Variants in RSF1 observed in about 807,000 individuals in gnomAD.
The protein encoded by RSF1 is HBV pX-associated protein 8.
In RSF1, 13 loss-of-function variants were observed where a neutral mutation model predicts 145.2. The observed-to-expected ratio is 0.09, with a 90% CI of 0.06 to 0.14. The LOEUF (loss-of-function observed/expected upper bound fraction) is 0.14. Ranked by LOEUF, RSF1 falls within the 10% of genes least tolerant of loss-of-function variation. RSF1 has a pLI of 1.00. For synonymous variants in RSF1, 577 were observed against 592.6 expected, an observed-to-expected ratio of 0.97 and a Z score of 0.38; for missense variants, 1,517 against 1,718.2, an observed-to-expected ratio of 0.88 and a Z score of 2.07.
chr11:77,700,839 T>C lies in RSF1; in HGVS notation c.2390A>G (p.Asp797Gly). 5 of 1,613,626 alleles carry C rather than the reference T, an allele frequency of 3.1e-6. No homozygotes were observed. The highest frequency in any genetic ancestry group is 4.2e-6 in the Non-Finnish European group (5 of 1,180,020). The stretch of plus-strand genomic sequence containing the variant: ...ATCTTCTCCTTCCCCTCTTTTTTTA[T>C]CAGCTTTCTGATCTCTGATCTCAGC... ...KVAEIRDQKA[D>G]KKRGEGEDEV... The change falls in exon 6 of 16, where the codon GAT (aspartate) becomes GGT (glycine). Residue 797 changes from aspartate (D) to glycine (G), a missense_variant. Around this residue, in one of 12 missense-constraint regions of RSF1, gnomAD observed 579 missense variants for 553.5 expected, o/e 1.05. Transcript: ENST00000308488.
At chr11:77,762,646 C>T (rs1948187496) in intron 2 of RSF1, 1 of 152,160 alleles carries the variant, frequency 6.6e-6, no homozygotes, top group East Asian at 1.9e-4. Context: ...CAAATAGATG[C>T]CAATGCTGAC....
At chr11:77,842,335 A>T in the RSF1 span, 2 of 733,646 alleles carry the variant, frequency 2.7e-6, no homozygotes, top group South Asian at 2.1e-5. Context: ...GTTACTTTTT[A>T]GACCTCTAAA....
At chr11:77,848,297 C>A in the RSF1 span, among the ~76,000 whole-genome samples, 1 of 152,130 alleles carries the variant, frequency 6.6e-6, no homozygotes, top group Non-Finnish European at 1.5e-5. Context: ...TCAGAAATGG[C>A]TTTAGTGCTG....
rs1358080071 is a variant in RSF1 at position 77,660,026 on chromosome 11, A to G, written c.*6891T>C. The G allele has an allele frequency of 6.6e-6, 1 of 152,228 alleles. No homozygotes were observed. The highest frequency in any genetic ancestry group is 2.4e-5 in the African/African-American group (1 of 41,462). 9.4% of individuals were successfully genotyped at this position (152,228 alleles called of 1,614,324 possible). ...CTAAATAATTCAAATTTAAATTTTT[A>G]TTATGACAATTGACATATTAAGTGA... On this transcript the variant is annotated 3_prime_UTR_variant, in exon 16 of 16. Coordinates refer to ENST00000308488, the MANE Select transcript of RSF1 (RefSeq NM_016578.4).
intron 11 of RSF1, among the ~76,000 whole-genome samples, chr11:77,680,622 T>C (rs897434342): frequency 6.6e-6 from 1 of 152,216 alleles, no homozygotes; most frequent in African/African-American, 2.4e-5. Flanking sequence ...TTAGAATATA[T>C]AATTTCAAAG....
the RSF1 span, among the ~76,000 whole-genome samples, chr11:77,861,370 TG>T: frequency 6.6e-6 from 1 of 152,188 alleles, no homozygotes; most frequent in Non-Finnish European, 1.5e-5. Context: ...CCTTGGATAG[TG>T]ACAGATCTGG....
intron 1 of RSF1, among the ~76,000 whole-genome samples, chr11:77,789,527 T>C (rs1948494837): frequency 6.6e-6 from 1 of 152,174 alleles, no homozygotes; most frequent in South Asian, 2.1e-4. Flanking sequence ...CAGGCCACTA[T>C]GGCCACAGCT....
At chr11:77,697,041 G>C (rs892696038) in intron 7 of RSF1, among the ~76,000 whole-genome samples, 3 of 152,148 alleles carry the variant, frequency 2.0e-5, no homozygotes, top group Non-Finnish European at 4.4e-5. Context: ...TACATGAGCT[G>C]TTAAAAACAC....
chr11:77,681,468 CAG>C (rs1428630679), intron 11 of RSF1, among the ~76,000 whole-genome samples: 1 of 152,098 alleles, frequency 6.6e-6, no homozygotes, highest in East Asian at 1.9e-4. Flanking sequence ...CTCTCTCTTA[CAG>C]AGTCTCTCTA....
intron 1 of RSF1, among the ~76,000 whole-genome samples, chr11:77,808,915 T>G (rs1467559751): frequency 6.6e-6 from 1 of 152,322 alleles, no homozygotes; most frequent in East Asian, 1.9e-4. Flanking sequence ...TGGGGAAATA[T>G]GCTACGTTAT....
the RSF1 span, among the ~76,000 whole-genome samples, chr11:77,857,096 C>T: frequency 1.3e-5 from 2 of 152,200 alleles, no homozygotes; most frequent in African/African-American, 2.4e-5. Context: ...TATGTAGGTT[C>T]TGCTTACTGG....
At chr11:77,729,987 T>G (rs142669780) in intron 4 of RSF1, among the ~76,000 whole-genome samples, 12 of 147,234 alleles carry the variant, frequency 8.2e-5, no homozygotes, top group African/African-American at 3.0e-4. Context: ...ACTATTAATC[T>G]AAGATGTTAA....
intron 5 of RSF1, among the ~76,000 whole-genome samples, chr11:77,723,709 T>C (rs1046459076): frequency 2.0e-5 from 3 of 152,232 alleles, no homozygotes; most frequent in East Asian, 1.9e-4. Flanking sequence ...CTTGCAGATA[T>C]GGAATGCTTT....
chr11:77,808,612 C>A (rs1473016891), intron 1 of RSF1, among the ~76,000 whole-genome samples: 1 of 89,184 alleles, frequency 1.1e-5, no homozygotes, highest in Admixed American at 1.5e-4. Context: ...CGGCTCACTG[C>A]AAGCTCCGCC....
the RSF1 span, among the ~76,000 whole-genome samples, chr11:77,863,990 G>A: frequency 1.3e-5 from 2 of 150,826 alleles, no homozygotes; most frequent in Non-Finnish European, 3.0e-5. Context: ...TCAGTGGCGC[G>A]ATCCTGGCTC....
intron 5 of RSF1, among the ~76,000 whole-genome samples, chr11:77,704,328 C>T (rs1222819780): frequency 6.6e-6 from 1 of 152,002 alleles, no homozygotes; most frequent in Admixed American, 6.6e-5. Flanking sequence ...TAGAAACAAA[C>T]AAACAAAACA....
At chr11:77,785,115 G>A (rs1948441588) in intron 1 of RSF1, among the ~76,000 whole-genome samples, 1 of 152,198 alleles carries the variant, frequency 6.6e-6, no homozygotes, top group South Asian at 2.1e-4. Flanking sequence ...AACCCTGGTA[G>A]TGGTATAGGG....
rs143559727 is a variant in RSF1 at position 77,768,676 on chromosome 11, C to T, written c.188-3987G>A. Among the ~76,000 whole-genome samples, 108 of 152,204 alleles carry T rather than the reference C, an allele frequency of 7.1e-4. 1 individual carries two copies. In the Middle Eastern group the frequency reaches 0.01, roughly 14 times the overall value. ...GCATGCTTAAAATTAAAATTTATAACCCAACTGAATTAATATTTTGTTACA... is the reference window on the plus strand; with the variant it reads ...GCATGCTTAAAATTAAAATTTATAATCCAACTGAATTAATATTTTGTTACA... On this transcript the variant is annotated intron_variant, in intron 1 of 15. Coordinates refer to ENST00000308488, the MANE Select transcript of RSF1 (RefSeq NM_016578.4).
chr11:77,717,281 T>C (rs1326771447), intron 5 of RSF1, among the ~76,000 whole-genome samples: 1 of 151,952 alleles, frequency 6.6e-6, no homozygotes, highest in African/African-American at 2.4e-5. Flanking sequence ...GTGAGAATCC[T>C]GGAACTTTGG....
Sources: gnomAD v4.1 joint callset for allele counts (sites outside exome capture counted in the v4.1 genomes callset) on GRCh38, gnomAD v4.1.1 for gene constraint, gnomAD v4.1.1 regional missense constraint, MANE v1.5 for transcripts, NCBI Gene and HGNC (gene_info 2026-07-23, HGNC 2026-07-21) for gene names.